Variants in TAFA2 observed in about 807,000 individuals in gnomAD.
TAFA2 encodes TAFA chemokine like family member 2.
Under a neutral mutation model 18.8 loss-of-function variants are expected in TAFA2, and 7 were observed. The observed-to-expected ratio is 0.37, with a 90% CI of 0.21 to 0.70. The LOEUF (loss-of-function observed/expected upper bound fraction) is 0.70. Ranked by LOEUF, TAFA2 falls within the 30% of genes least tolerant of loss-of-function variation. The pLI is 0.53. For synonymous variants in TAFA2, 60 were observed against 54.2 expected (o/e 1.11, Z -0.47); for missense variants, 122 against 158.1 (o/e 0.77, Z 1.23).
intron 2 of TAFA2, among the ~76,000 whole-genome samples, chr12:61,822,896 A>G (rs1238948036): frequency 6.6e-6 from 1 of 152,192 alleles, no homozygotes; most frequent in Non-Finnish European, 1.5e-5. Flanking sequence ...TCAACCAGGA[A>G]AGGAAAAAGA....
chr12:62,134,399 C>T (rs533483122), intron 1 of TAFA2, among the ~76,000 whole-genome samples: 7 of 151,990 alleles, frequency 4.6e-5, no homozygotes, highest in Admixed American at 1.3e-4. Context: ...CTCTTTCCCT[C>T]TCTCTCTCCA....
At chr12:61,989,573 C>A (rs1300047614) in intron 1 of TAFA2, among the ~76,000 whole-genome samples, 2 of 152,144 alleles carry the variant, frequency 1.3e-5, no homozygotes, top group African/African-American at 4.8e-5. Context: ...TGGTTACTGC[C>A]CTCTTTACAG....
At chr12:61,872,267 C>T (rs1385738710) in intron 1 of TAFA2, among the ~76,000 whole-genome samples, 7 of 152,054 alleles carry the variant, frequency 4.6e-5, no homozygotes, top group Admixed American at 4.6e-4. Flanking sequence ...CCCCTTGAGC[C>T]TAAGACACTT....
chr12:61,806,274 C>T (rs1871607747), intron 2 of TAFA2, among the ~76,000 whole-genome samples: 1 of 152,120 alleles, frequency 6.6e-6, no homozygotes. Flanking sequence ...CTTTCCCATA[C>T]TCTTCTTGTG....
intron 2 of TAFA2, among the ~76,000 whole-genome samples, chr12:61,757,941 C>G (rs375637609): frequency 6.6e-6 from 1 of 151,882 alleles, no homozygotes; most frequent in Non-Finnish European, 1.5e-5. Flanking sequence ...GATCTTGGTA[C>G]GTTATCTATT....
chr12:62,088,601 G>C (rs1868560905), intron 1 of TAFA2, among the ~76,000 whole-genome samples: 1 of 135,516 alleles, frequency 7.4e-6, no homozygotes, highest in African/African-American at 2.8e-5. Flanking sequence ...CCTGTAGAGG[G>C]CCTGGACCAC....
intron 1 of TAFA2, among the ~76,000 whole-genome samples, chr12:61,926,704 A>G (rs1019703810): frequency 2.6e-5 from 4 of 152,230 alleles, no homozygotes; most frequent in African/African-American, 9.6e-5. Flanking sequence ...TCTGAAAATA[A>G]TAAGAGCTAT....
At chr12:61,759,064 T>C (rs1222543981) in intron 2 of TAFA2, among the ~76,000 whole-genome samples, 4 of 152,066 alleles carry the variant, frequency 2.6e-5, no homozygotes, top group Non-Finnish European at 5.9e-5. Flanking sequence ...GGCACCATTC[T>C]AGCACCAAGG....
At chr12:62,148,434 G>C (rs2062303386) in intron 1 of TAFA2, among the ~76,000 whole-genome samples, 1 of 152,112 alleles carries the variant, frequency 6.6e-6, no homozygotes. Context: ...TAAGCGAATT[G>C]ATATAGAAAC....
At chr12:62,169,573 C>T (rs886468735) in intron 1 of TAFA2, among the ~76,000 whole-genome samples, 1 of 152,072 alleles carries the variant, frequency 6.6e-6, no homozygotes. Context: ...TGTTTTAGGC[C>T]GGGCACAGTG....
intron 1 of TAFA2, among the ~76,000 whole-genome samples, chr12:61,910,093 TGTG>T (rs2121340337): frequency 1.3e-5 from 1 of 79,256 alleles, no homozygotes; most frequent in African/African-American, 8.2e-5. Context: ...TGTGTGTGTG[TGTG>T]TGTTTGTGTG....
chr12:62,163,862 T>A (rs1257260206), intron 1 of TAFA2, among the ~76,000 whole-genome samples: 1 of 152,104 alleles, frequency 6.6e-6, no homozygotes, highest in Non-Finnish European at 1.5e-5. Flanking sequence ...TATTAACGTG[T>A]AGTATTTCTT....
chr12:61,976,122 A>T (rs910742956), intron 1 of TAFA2, among the ~76,000 whole-genome samples: 3 of 151,688 alleles, frequency 2.0e-5, no homozygotes, highest in East Asian at 1.9e-4. Flanking sequence ...GCAAACCTTT[A>T]AAAAAAATCA....
intron 1 of TAFA2, among the ~76,000 whole-genome samples, chr12:61,950,935 A>G (rs1373243413): frequency 2.0e-5 from 3 of 152,162 alleles, no homozygotes; most frequent in African/African-American, 7.2e-5. Context: ...TGACACACAT[A>G]TGCTTTATAG....
At chr12:62,004,005 A>G (rs1228035523) in intron 1 of TAFA2, among the ~76,000 whole-genome samples, 1 of 152,152 alleles carries the variant, frequency 6.6e-6, no homozygotes, top group African/African-American at 2.4e-5. Context: ...TACAGAAAAA[A>G]CATTCTTAAT....
At chr12:61,985,993 C>T (rs1879800186) in intron 1 of TAFA2, among the ~76,000 whole-genome samples, 1 of 152,050 alleles carries the variant, frequency 6.6e-6, no homozygotes, top group Non-Finnish European at 1.5e-5. Flanking sequence ...AACCATTGCC[C>T]TTGGATACCA....
chr12:62,004,049 T>C (rs1368886659), intron 1 of TAFA2, among the ~76,000 whole-genome samples: 1 of 152,156 alleles, frequency 6.6e-6, no homozygotes, highest in African/African-American at 2.4e-5. Context: ...AAAATCACTT[T>C]TGGTTTATAG....
chr12:62,001,046 A>T (rs1370380830), intron 1 of TAFA2, among the ~76,000 whole-genome samples: 1 of 152,244 alleles, frequency 6.6e-6, no homozygotes, highest in Admixed American at 6.5e-5. Flanking sequence ...ATTTATTAAC[A>T]TTCTACAGAA....
intron 1 of TAFA2, among the ~76,000 whole-genome samples, chr12:62,064,577 A>G (rs1882438632): frequency 6.6e-6 from 1 of 152,118 alleles, no homozygotes; most frequent in South Asian, 2.1e-4. Context: ...TTTCCTCCAG[A>G]ACCATACCAC....
Sources: allele counts gnomAD v4.1 joint callset (sites outside exome capture counted in the v4.1 genomes callset), GRCh38; gene constraint gnomAD v4.1.1; transcripts MANE v1.5; gene names NCBI Gene and HGNC (gene_info 2026-07-23, HGNC 2026-07-21).